Variants in HTR7 observed in about 807,000 individuals in gnomAD.
The protein encoded by HTR7 is 5-HT-7.
HTR7 carries 16 observed loss-of-function variants against 34.0 expected under a neutral mutation model. The observed-to-expected ratio is 0.47, with a 90% confidence interval of 0.32 to 0.71. The LOEUF (loss-of-function observed/expected upper bound fraction) is 0.71. Ranked by LOEUF, HTR7 falls within the 30% of genes least tolerant of loss-of-function variation. The pLI is 0.04. For missense variants in HTR7, 504 were observed against 625.5 expected, an observed-to-expected ratio of 0.81 and a Z score of 2.07; for synonymous variants, 265 against 260.2, an observed-to-expected ratio of 1.02 and a Z score of -0.18.
Position 90,748,901 on chromosome 10 carries a change from T to A in HTR7, c.1233A>T (p.Ser411=). The change falls in exon 2 of 4, where the codon TCA becomes TCT. Residue 411 remains serine, a synonymous_variant. Transcript: ENST00000336152. ...CQYRNINRKL[S]AAGMHEALKL... Reference sequence around the variant, plus strand: ...TCAGGGCTTCATGCATGCCTGCAGCTGAGAGCTTCCGGTTGATATTCCGGT... The same window carrying A: ...TCAGGGCTTCATGCATGCCTGCAGCAGAGAGCTTCCGGTTGATATTCCGGT... 1 of 1,614,150 alleles carries A rather than the reference T, an allele frequency of 6.2e-7. No individual in the cohort carries two copies. The highest frequency in any genetic ancestry group is 8.5e-7 in the Non-Finnish European group (1 of 1,180,008).
At chr10:90,797,110 C>T (rs574432597) in intron 1 of HTR7, among the ~76,000 whole-genome samples, 11 of 151,970 alleles carry the variant, frequency 7.2e-5, no homozygotes, top group Non-Finnish European at 8.8e-5. Flanking sequence ...AAAGGTATGT[C>T]CTCAAAAGCA....
chr10:90,761,327 A>AT (rs1300206664), intron 1 of HTR7, among the ~76,000 whole-genome samples: 5 of 152,004 alleles, frequency 3.3e-5, no homozygotes, highest in Admixed American at 2.0e-4. Flanking sequence ...GCAAAGCTTT[A>AT]TTTTTTCTTT....
rs933121412 is a variant in HTR7 at position 90,799,168 on chromosome 10, C to T, written c.540-49574G>A. On this transcript the variant is annotated intron_variant, in intron 1 of 3. Coordinates refer to ENST00000336152, the MANE Select transcript of HTR7 (RefSeq NM_019859.4). Reference sequence around the variant, plus strand: ...TCCAGGAACTAACAGTGCAAGAAGACGGCTTCAACTCCCTGTGATTTCATC... The same window carrying T: ...TCCAGGAACTAACAGTGCAAGAAGATGGCTTCAACTCCCTGTGATTTCATC... Among the ~76,000 whole-genome samples, 87 of 152,096 alleles carry T rather than the reference C, an allele frequency of 5.7e-4. 2 individuals carry two copies. Among genetic ancestry groups the T allele is most frequent in the Non-Finnish European group, 7.3e-5 (5 of 68,032 alleles).
Position 90,857,794 on chromosome 10 carries a change from C to T in HTR7, c.-123G>A. 1.0e-6 allele frequency: 1 copy of T among 954,184 alleles called. No individual in the cohort carries two copies. The highest frequency in any genetic ancestry group is 1.4e-6 in the Non-Finnish European group (1 of 723,598). The allele number at this position is 954,184 out of a possible 1,614,324, so 59.1% of individuals were successfully genotyped here. On this transcript the variant is annotated 5_prime_UTR_variant, in exon 1 of 4. Coordinates refer to ENST00000336152, the MANE Select transcript of HTR7 (RefSeq NM_019859.4). This position sits in a 1 kb window ranked among gnomAD's most constrained non-coding sequence, Gnocchi z 6.5. Reference sequence around the variant, plus strand: ...GGCCCAGCCATGGGGCCCGCGCCGACCGCTGGGGGGCGCCTGGCTCTGTCT... The same window carrying T: ...GGCCCAGCCATGGGGCCCGCGCCGATCGCTGGGGGGCGCCTGGCTCTGTCT...
intron 1 of HTR7, among the ~76,000 whole-genome samples, chr10:90,810,231 G>A (rs1294075357): frequency 7.3e-5 from 11 of 151,692 alleles, no homozygotes; most frequent in Non-Finnish European, 1.5e-5. Context: ...ACTATTCCTG[G>A]GCTACAGCCA....
At chr10:90,809,729 G>A (rs1395881316) in intron 1 of HTR7, among the ~76,000 whole-genome samples, 1 of 152,212 alleles carries the variant, frequency 6.6e-6, no homozygotes, top group Non-Finnish European at 1.5e-5. Context: ...ACCAGGCCAA[G>A]GAATGCCTGC....
At chr10:90,840,177 TCACACACACA>T (rs35170324) in intron 1 of HTR7, among the ~76,000 whole-genome samples, 12 of 136,802 alleles carry the variant, frequency 8.8e-5, no homozygotes, top group Admixed American at 3.0e-4. Context: ...TCTCTCTCTC[TCACACACACA>T]CACACACACA....
chr10:90,835,089 T>C (rs1354122148), intron 1 of HTR7, among the ~76,000 whole-genome samples: 2 of 152,328 alleles, frequency 1.3e-5, no homozygotes, highest in Middle Eastern at 3.4e-3. Flanking sequence ...GTGTATGTTT[T>C]GGGAGGTTCT....
intron 1 of HTR7, among the ~76,000 whole-genome samples, chr10:90,844,799 C>T (rs1210215669): frequency 7.3e-6 from 1 of 137,382 alleles, no homozygotes; most frequent in African/African-American, 2.8e-5. Flanking sequence ...ACTCTGGCTG[C>T]ACATTGGGAT....
chr10:90,815,169 G>A (rs1269170376), intron 1 of HTR7, among the ~76,000 whole-genome samples: 8 of 151,184 alleles, frequency 5.3e-5, no homozygotes, highest in South Asian at 2.1e-4. Context: ...TCGGCTCACC[G>A]CAACCTCTGC....
chr10:90,786,887 C>T (rs112260709), intron 1 of HTR7, among the ~76,000 whole-genome samples: 265 of 152,306 alleles, frequency 1.7e-3, no homozygotes, highest in African/African-American at 5.6e-3. Context: ...TTCATGGACG[C>T]CTTCCTCTCT....
chr10:90,847,163 AC>A (rs1846423887), intron 1 of HTR7, among the ~76,000 whole-genome samples: 1 of 152,022 alleles, frequency 6.6e-6, no homozygotes, highest in Non-Finnish European at 1.5e-5. Context: ...AGTCACTTCT[AC>A]CCTCTGAGCC....
chr10:90,808,913 G>A lies in HTR7; in HGVS notation c.539+48220C>T, dbSNP rs570071373. 2.5e-4 allele frequency among the ~76,000 whole-genome samples: 38 copies of A among 152,176 alleles called. No individual in the cohort carries two copies. In the South Asian group the frequency reaches 3.9e-3, roughly 16 times the overall value. The stretch of plus-strand genomic sequence containing the variant: ...CTACAAGATATAAATAATTCTTGTC[G>A]TAAAATAGGCAAACGGTCTGAGGTG... On this transcript the variant is annotated intron_variant, in intron 1 of 3. Transcript: ENST00000336152.
intron 1 of HTR7, among the ~76,000 whole-genome samples, chr10:90,767,140 T>C (rs1451671089): frequency 2.0e-5 from 3 of 152,152 alleles, no homozygotes; most frequent in African/African-American, 7.2e-5. Flanking sequence ...GGTCACGGGC[T>C]TTGTTCCTCA....
At chr10:90,814,006 C>T (rs540610165) in intron 1 of HTR7, among the ~76,000 whole-genome samples, 9 of 152,302 alleles carry the variant, frequency 5.9e-5, no homozygotes, top group East Asian at 5.8e-4. Context: ...CCCTCTCTTT[C>T]GCAAGAGAGA....
chr10:90,807,572 T>C (rs929209656), intron 1 of HTR7, among the ~76,000 whole-genome samples: 8 of 152,156 alleles, frequency 5.3e-5, no homozygotes, highest in Non-Finnish European at 1.2e-4. Flanking sequence ...CAAAACCCCT[T>C]TGACTGTAAT....
chr10:90,783,875 T>C (rs1303421805), intron 1 of HTR7, among the ~76,000 whole-genome samples: 2 of 152,234 alleles, frequency 1.3e-5, no homozygotes, highest in African/African-American at 4.8e-5. Context: ...GGTGTAGCTA[T>C]GGCTCTTCAC....
Position 90,857,677 on chromosome 10 carries a change from C to A in HTR7, c.-6G>T. The A allele has an allele frequency of 6.5e-7, 1 of 1,533,924 alleles. No homozygotes were observed. Among genetic ancestry groups the A allele is most frequent in the Non-Finnish European group, 8.7e-7 (1 of 1,152,054 alleles). ...CTGCTGTTAACGTCCATCATCGCGC[C>A]GCCGTGTGCCGCTGCCCATGGAGCC... On this transcript the variant is annotated 5_prime_UTR_variant, in exon 1 of 4. Transcript: ENST00000336152. The surrounding 1 kb of genome is among the most constrained non-coding windows in gnomAD (Gnocchi z 6.5).
chr10:90,750,013 C>T (rs1844709924), intron 1 of HTR7, among the ~76,000 whole-genome samples: 1 of 152,166 alleles, frequency 6.6e-6, no homozygotes, highest in African/African-American at 2.4e-5. Context: ...GTATTATACA[C>T]CCAGTGATCA....
Sources: gnomAD v4.1 joint callset for allele counts (sites outside exome capture counted in the v4.1 genomes callset) on GRCh38, gnomAD v4.1.1 for gene constraint, Gnocchi (gnomAD v3.1) non-coding constraint, MANE v1.5 for transcripts, NCBI Gene and HGNC (gene_info 2026-07-23, HGNC 2026-07-21) for gene names.